Variants in ERC1 observed in about 807,000 individuals in gnomAD.
ERC1 encodes the protein ELKS/RAB6-interacting/CAST family member 1, also known as RAB6 interacting protein 2.
Under a neutral mutation model 132.0 loss-of-function variants are expected in ERC1, and 56 were observed. The ratio of observed to expected loss-of-function variants is 0.42; its 90% CI spans 0.34 to 0.53. ERC1 has a LOEUF of 0.53. Among genes scored for constraint, ERC1 ranks in the 20% least tolerant of loss-of-function variants. ERC1 has a pLI of 0.03. For synonymous variants in ERC1, 478 were observed against 476.1 expected (o/e 1.00, Z -0.05); for missense variants, 1,202 against 1,349.9 (o/e 0.89, Z 1.72).
chr12:1,110,247 A>G lies in ERC1; in HGVS notation c.1217A>G (p.Gln406Arg), dbSNP rs1244229410. 1 of 1,613,644 alleles carries G rather than the reference A, an allele frequency of 6.2e-7. No homozygotes were observed. The highest frequency in any genetic ancestry group is 1.1e-5 in the South Asian group (1 of 90,996). The change falls in exon 5 of 19, where the codon CAG (glutamine) becomes CGG (arginine). Residue 406 changes from glutamine (Q) to arginine (R), a missense_variant. Coordinates refer to ENST00000360905, the MANE Select transcript of ERC1 (RefSeq NM_178040.4). ...CTTCGAGACCTGGAAGAGGAAATTC[A>G]GATGCTGAAATCGAATGGTGCTTTG... ...RGLRDLEEEI[Q>R]MLKSNGALST...
chr12:1,131,957 A>G (rs888940977), intron 7 of ERC1, among the ~76,000 whole-genome samples: 1 of 152,198 alleles, frequency 6.6e-6, no homozygotes, highest in African/African-American at 2.4e-5. Context: ...TGGTGTGAAT[A>G]AACAAGGTTT....
At chr12:1,188,690 C>T (rs1955390149) in intron 11 of ERC1, among the ~76,000 whole-genome samples, 1 of 152,162 alleles carries the variant, frequency 6.6e-6, no homozygotes, top group Non-Finnish European at 1.5e-5. Flanking sequence ...ATAGCTGTTA[C>T]TTTCACCAAG....
intron 2 of ERC1, among the ~76,000 whole-genome samples, chr12:1,067,480 C>T (rs1939430522): frequency 6.6e-6 from 1 of 152,172 alleles, no homozygotes; most frequent in Admixed American, 6.5e-5. Flanking sequence ...ATTCAAAACT[C>T]ACCGAAGTAA....
chr12:1,475,665 T>C (rs956189286), intron 18 of ERC1, among the ~76,000 whole-genome samples: 6 of 152,320 alleles, frequency 3.9e-5, no homozygotes, highest in African/African-American at 1.4e-4. Context: ...AAAAGCTTAG[T>C]CTTTTATTTT....
At chr12:1,107,829 T>A (rs1035900268) in intron 4 of ERC1, among the ~76,000 whole-genome samples, 1 of 151,922 alleles carries the variant, frequency 6.6e-6, no homozygotes, top group Non-Finnish European at 1.5e-5. Flanking sequence ...TCCTTTGTGG[T>A]GTTGGGGTGT....
chr12:1,157,506 T>C (rs1566106158), intron 8 of ERC1, among the ~76,000 whole-genome samples: 1 of 152,240 alleles, frequency 6.6e-6, no homozygotes. Flanking sequence ...CATTATAGTA[T>C]TTGTTAAATA....
At chr12:1,003,427 CTG>C (rs1260076878) in intron 1 of ERC1, among the ~76,000 whole-genome samples, 7 of 152,296 alleles carry the variant, frequency 4.6e-5, no homozygotes, top group South Asian at 2.1e-4. Flanking sequence ...AGTGCTGACT[CTG>C]TATTTTGCTA....
At chr12:1,076,182 T>A (rs12817987) in intron 2 of ERC1, among the ~76,000 whole-genome samples, 28,233 of 152,156 alleles carry the variant, frequency 0.19, 3,314 homozygotes, top group Non-Finnish European at 0.25. Context: ...AACTTTATCC[T>A]GTACTTTTGC....
intron 13 of ERC1, among the ~76,000 whole-genome samples, chr12:1,246,769 T>G (rs2076180566): frequency 6.6e-6 from 1 of 152,160 alleles, no homozygotes; most frequent in African/African-American, 2.4e-5. Flanking sequence ...TTTCCAAAAA[T>G]GTGTAGCCTC....
intron 3 of ERC1, among the ~76,000 whole-genome samples, chr12:1,094,382 A>C (rs1943727996): frequency 6.7e-6 from 1 of 149,224 alleles, no homozygotes; most frequent in Non-Finnish European, 1.5e-5. Context: ...GAACAGTTGC[A>C]TACCTTATTT....
chr12:999,964 T>C (rs1961870266), intron 1 of ERC1, among the ~76,000 whole-genome samples: 1 of 152,040 alleles, frequency 6.6e-6, no homozygotes, highest in Non-Finnish European at 1.5e-5. Context: ...GATTTCTGAG[T>C]AGGAGATGCA....
At chr12:1,386,969 G>A (rs1382701393) in intron 16 of ERC1, 1 of 152,008 alleles carries the variant, frequency 6.6e-6, no homozygotes, top group Non-Finnish European at 1.5e-5. Flanking sequence ...CCTTGAGTCA[G>A]AGGATTGTTC....
intron 18 of ERC1, among the ~76,000 whole-genome samples, chr12:1,456,167 G>A (rs1413978592): frequency 3.3e-5 from 5 of 152,204 alleles, no homozygotes; most frequent in East Asian, 1.9e-4. Context: ...TAAAGTGAAC[G>A]TGGTGACCAA....
intron 8 of ERC1, among the ~76,000 whole-genome samples, chr12:1,169,374 T>C (rs965097975): frequency 2.6e-5 from 4 of 152,190 alleles, no homozygotes; most frequent in Admixed American, 2.0e-4. Context: ...TTGATCCTTA[T>C]GAGGTGCCAT....
intron 2 of ERC1, among the ~76,000 whole-genome samples, chr12:1,032,212 T>C (rs1295386939): frequency 2.6e-5 from 4 of 152,056 alleles, no homozygotes; most frequent in Non-Finnish European, 5.9e-5. Context: ...CCACCACACC[T>C]GGCTAATTTT....
At chr12:1,228,601 T>C (rs180925600) in intron 12 of ERC1, among the ~76,000 whole-genome samples, 13 of 152,308 alleles carry the variant, frequency 8.5e-5, no homozygotes, top group Non-Finnish European at 1.6e-4. Flanking sequence ...GACTCCCTTT[T>C]CTTGTTCCTG....
intron 7 of ERC1, among the ~76,000 whole-genome samples, chr12:1,141,231 A>G (rs931598632): frequency 6.6e-6 from 1 of 152,132 alleles, no homozygotes; most frequent in Non-Finnish European, 1.5e-5. Context: ...ACTAGACTGT[A>G]TTATCTGATA....
intron 12 of ERC1, among the ~76,000 whole-genome samples, chr12:1,215,202 G>A (rs955075821): frequency 6.6e-6 from 1 of 152,122 alleles, no homozygotes; most frequent in African/African-American, 2.4e-5. Context: ...TGTTATAATT[G>A]TCATGGGCCA....
chr12:1,258,263 T>C (rs1462648709), intron 13 of ERC1, among the ~76,000 whole-genome samples: 2 of 152,220 alleles, frequency 1.3e-5, no homozygotes, highest in African/African-American at 4.8e-5. Context: ...TTAGGGATAG[T>C]ACATAGTATA....
Sources: allele counts gnomAD v4.1 joint callset (sites outside exome capture counted in the v4.1 genomes callset), GRCh38; gene constraint gnomAD v4.1.1; transcripts MANE v1.5; gene names NCBI Gene and HGNC (gene_info 2026-07-23, HGNC 2026-07-21).